Variants in LEPROTL1 observed in about 807,000 individuals in gnomAD.
LEPROTL1 encodes leptin receptor overlapping transcript like 1.
Under a neutral mutation model 15.4 loss-of-function variants are expected in LEPROTL1, and 6 were observed. That is an observed-to-expected ratio of 0.39 (90% CI 0.21 to 0.77). The LOEUF is 0.77. Ranked by LOEUF, LEPROTL1 falls within the 30% of genes least tolerant of loss-of-function variation. The pLI is 0.41. For synonymous variants in LEPROTL1, 56 were observed against 52.6 expected (o/e 1.06, Z -0.28); for missense variants, 128 against 158.1 (o/e 0.81, Z 1.02).
Position 30,101,903 on chromosome 8 carries a change from A to G in LEPROTL1, c.22A>G (p.Ile8Val), listed in dbSNP as rs558458091. 2 of 1,599,966 alleles carry G rather than the reference A, an allele frequency of 1.3e-6. No homozygotes were observed. Among genetic ancestry groups the G allele is most frequent in the South Asian group, 1.1e-5 (1 of 89,710 alleles). MAGIKAL[I>V]SLSFGGAIGL... ...ACTTTTTATTTGCTTTGCAGCTTTG[A>G]TTAGTTTGTCCTTTGGAGGAGCAAT... Residue 8 changes from isoleucine to valine, a missense_variant, in exon 2 of 4, where the codon ATT (isoleucine) becomes GTT (valine). Ile to Val is a conservative substitution (Grantham distance 29). Coordinates refer to ENST00000321250, the MANE Select transcript of LEPROTL1 (RefSeq NM_015344.3).
At chr8:30,103,067 G>C (rs559863776) in intron 2 of LEPROTL1, among the ~76,000 whole-genome samples, 1 of 151,968 alleles carries the variant, frequency 6.6e-6, no homozygotes, top group Non-Finnish European at 1.5e-5. Context: ...TTATTTTTTG[G>C]TTTTTGTTTT....
At chr8:30,103,448 A>G (rs1424578744) in intron 2 of LEPROTL1, among the ~76,000 whole-genome samples, 1 of 152,080 alleles carries the variant, frequency 6.6e-6, no homozygotes, top group Non-Finnish European at 1.5e-5. Flanking sequence ...TTCTTAAAAT[A>G]TTTAGGAAAT....
At chr8:30,128,914 C>CA (rs1802948656) in intron 3 of LEPROTL1, among the ~76,000 whole-genome samples, 1 of 149,002 alleles carries the variant, frequency 6.7e-6, no homozygotes, top group African/African-American at 2.5e-5. Flanking sequence ...TTTTTTGAGA[C>CA]AGAGTCTGAA....
chr8:30,129,756 C>CACAA (rs1802966640), intron 3 of LEPROTL1, among the ~76,000 whole-genome samples: 1 of 142,742 alleles, frequency 7.0e-6, no homozygotes, highest in South Asian at 2.4e-4. Flanking sequence ...CACACACACA[C>CACAA]AAAGAACTAC....
intron 3 of LEPROTL1, among the ~76,000 whole-genome samples, chr8:30,126,154 C>T (rs1350505632): frequency 6.6e-6 from 1 of 152,172 alleles, no homozygotes; most frequent in African/African-American, 2.4e-5. Flanking sequence ...CTGCCACTCA[C>T]CTCCTGTTGT....
At chr8:30,096,674 C>T (rs540585928) in intron 1 of LEPROTL1, among the ~76,000 whole-genome samples, 2 of 152,236 alleles carry the variant, frequency 1.3e-5, no homozygotes, top group East Asian at 3.9e-4. Flanking sequence ...GGATGTTGCC[C>T]GTTTCCCTGT....
Position 30,106,520 on chromosome 8 carries a change from A to C in LEPROTL1, c.*658A>C, listed in dbSNP as rs746413625. ...TTGAAAATTATTTTATGGAATTGCTACAGAGGAGTGCTTTTCTTCTCAATT... is the reference window on the plus strand; with the variant it reads ...TTGAAAATTATTTTATGGAATTGCTCCAGAGGAGTGCTTTTCTTCTCAATT... On this transcript the variant is annotated 3_prime_UTR_variant, in exon 4 of 4. Coordinates refer to ENST00000321250, the MANE Select transcript of LEPROTL1 (RefSeq NM_015344.3). 5 of 985,796 alleles carry C rather than the reference A, an allele frequency of 5.1e-6. No homozygotes were observed. The highest frequency in any genetic ancestry group is 6.0e-6 in the Non-Finnish European group (5 of 829,878). The allele number at this position is 985,796 out of a possible 1,614,324, so 61.1% of individuals were successfully genotyped here.
At chr8:30,132,618 C>T (rs576685952) in intron 4 of LEPROTL1, 4 of 1,551,808 alleles carry the variant, frequency 2.6e-6, no homozygotes, top group Non-Finnish European at 3.5e-6. Context: ...GTCCAAGAAT[C>T]TGCAGACCCC....
downstream of LEPROTL1, among the ~76,000 whole-genome samples, chr8:30,110,855 A>C (rs1045108996): frequency 1.3e-5 from 2 of 152,202 alleles, no homozygotes; most frequent in Non-Finnish European, 2.9e-5. Context: ...GTATTTCCAT[A>C]TCTGTTTGTA....
intron 1 of LEPROTL1, among the ~76,000 whole-genome samples, chr8:30,101,017 A>G (rs1300499497): frequency 3.9e-5 from 6 of 152,258 alleles, no homozygotes; most frequent in Non-Finnish European, 1.5e-5. Context: ...AAGGAAACCC[A>G]GCTCTACTTT....
downstream of LEPROTL1, among the ~76,000 whole-genome samples, chr8:30,112,401 A>AGTTTTTTTTTTTTTT (rs1802666098): frequency 3.6e-5 from 1 of 27,862 alleles, no homozygotes; most frequent in Non-Finnish European, 6.8e-5. Flanking sequence ...TGCCCAGCTA[A>AGTTTTTTTTTTTTTT]TTTTTTTTTT....
chr8:30,130,266 T>G (rs983627465), intron 3 of LEPROTL1, among the ~76,000 whole-genome samples: 1 of 152,192 alleles, frequency 6.6e-6, no homozygotes, highest in African/African-American at 2.4e-5. Flanking sequence ...TTTTTTTATT[T>G]GAACAAGCAT....
downstream of LEPROTL1, among the ~76,000 whole-genome samples, chr8:30,111,476 C>T (rs1240658534): frequency 6.6e-6 from 1 of 152,196 alleles, no homozygotes; most frequent in Non-Finnish European, 1.5e-5. Flanking sequence ...GTGTTCACAT[C>T]TCTGTATTTC....
intron 4 of LEPROTL1, among the ~76,000 whole-genome samples, chr8:30,135,772 G>A (rs1047940955): frequency 5.9e-5 from 9 of 151,864 alleles, no homozygotes; most frequent in African/African-American, 1.5e-4. Context: ...AAATTAGCCC[G>A]ATGTGGTGGT....
intron 3 of LEPROTL1, chr8:30,131,936 A>G (rs767663889): frequency 6.5e-7 from 1 of 1,539,054 alleles, no homozygotes. Context: ...AAAGCCAGGG[A>G]AAGATGTCAG....
In LEPROTL1 at chr8:30,095,851, C is replaced by A. The variant is rs565245998; in HGVS notation, c.16+323C>A. The A allele has an allele frequency of 3.1e-4, 215 of 701,816 alleles. No homozygotes were observed. In the African/African-American group the frequency reaches 3.4e-3, roughly 11 times the overall value. 43.5% of individuals were successfully genotyped at this position (701,816 alleles called of 1,614,324 possible). A position where few individuals can be genotyped will look rare whatever the true frequency, so the allele number is the denominator to read the frequency against. ...AGGAGTCCCGTCGCGACTTGGACGG[C>A]CACACACGTTTTGCAGGAGTTTGCA... On this transcript the variant is annotated intron_variant, in intron 1 of 3. Coordinates refer to ENST00000321250, the MANE Select transcript of LEPROTL1 (RefSeq NM_015344.3).
intron 3 of LEPROTL1, among the ~76,000 whole-genome samples, chr8:30,122,962 G>A (rs905840195): frequency 3.3e-5 from 5 of 152,108 alleles, no homozygotes; most frequent in African/African-American, 4.8e-5. Flanking sequence ...CTGTAATTTG[G>A]TCCTGTCTTA....
intron 3 of LEPROTL1, among the ~76,000 whole-genome samples, chr8:30,130,160 C>A (rs1393864630): frequency 6.6e-6 from 1 of 152,178 alleles, no homozygotes; most frequent in Non-Finnish European, 1.5e-5. Context: ...GAATACTCAA[C>A]AAGCTGAGAT....
At chr8:30,123,599 GTCTC>G (rs929079900) in intron 3 of LEPROTL1, among the ~76,000 whole-genome samples, 5 of 152,104 alleles carry the variant, frequency 3.3e-5, no homozygotes, top group South Asian at 4.1e-4. Flanking sequence ...GTTTCGCTCC[GTCTC>G]TCTCTCACTC....
Sources: gnomAD v4.1 joint callset for allele counts (sites outside exome capture counted in the v4.1 genomes callset) on GRCh38, gnomAD v4.1.1 for gene constraint, MANE v1.5 for transcripts, NCBI Gene and HGNC (gene_info 2026-07-23, HGNC 2026-07-21) for gene names.